Variants in TENM2 observed in about 807,000 individuals in gnomAD.
TENM2 encodes the protein teneurin transmembrane protein 2.
Under a neutral mutation model 245.2 loss-of-function variants are expected in TENM2, and 52 were observed. The ratio of observed to expected loss-of-function variants is 0.21; its 90% CI spans 0.17 to 0.27. TENM2 has a LOEUF of 0.27. Ranked by LOEUF, TENM2 falls within the 10% of genes least tolerant of loss-of-function variation. The probability of loss-of-function intolerance (pLI) is 1.00; values close to 1 mark genes in which losing one functional copy is unlikely to be tolerated. For missense variants in TENM2, 3,046 were observed against 3,666.8 expected (o/e 0.83, Z 4.37); for synonymous variants, 1,363 against 1,438.9 (o/e 0.95, Z 1.19).
At chr5:167,267,706 G>A in the TENM2 span, among the ~76,000 whole-genome samples, 1 of 152,144 alleles carries the variant, frequency 6.6e-6, no homozygotes, top group Non-Finnish European at 1.5e-5. Flanking sequence ...TTATGTTTCT[G>A]GTGAATGGCA....
At chr5:167,193,002 A>G in the TENM2 span, among the ~76,000 whole-genome samples, 1 of 152,084 alleles carries the variant, frequency 6.6e-6, no homozygotes, top group East Asian at 1.9e-4. Context: ...TTTAGTATGA[A>G]TAATGAAAAA....
At chr5:167,640,882 T>TGG (rs553375416) in intron 2 of TENM2, among the ~76,000 whole-genome samples, 1 of 67,506 alleles carries the variant, frequency 1.5e-5, no homozygotes, top group African/African-American at 9.6e-5. Context: ...TATATATATA[T>TGG]ATATATATAT....
chr5:168,206,467 G>A (rs1327218889), intron 19 of TENM2, among the ~76,000 whole-genome samples: 1 of 152,224 alleles, frequency 6.6e-6, no homozygotes, highest in Non-Finnish European at 1.5e-5. Context: ...GGGGAAGTCA[G>A]TGCAGTTCAA....
At chr5:167,708,577 A>G (rs1364344151) in intron 2 of TENM2, among the ~76,000 whole-genome samples, 1 of 152,132 alleles carries the variant, frequency 6.6e-6, no homozygotes, top group Non-Finnish European at 1.5e-5. Context: ...TCCCAGTTCT[A>G]TTTCTCCATT....
At chr5:167,715,498 T>G (rs917208604) in intron 2 of TENM2, among the ~76,000 whole-genome samples, 3 of 152,196 alleles carry the variant, frequency 2.0e-5, no homozygotes, top group Non-Finnish European at 4.4e-5. Context: ...AATATCATTT[T>G]CAATTGTTTT....
At chr5:168,065,925 C>T (rs1180356662) in intron 7 of TENM2, among the ~76,000 whole-genome samples, 3 of 151,384 alleles carry the variant, frequency 2.0e-5, no homozygotes, top group Admixed American at 6.6e-5. Flanking sequence ...CCCTCCCCGA[C>T]TCCCACCCTG....
the TENM2 span, among the ~76,000 whole-genome samples, chr5:167,239,220 T>C: frequency 1.3e-5 from 2 of 152,226 alleles, no homozygotes; most frequent in Non-Finnish European, 2.9e-5. Flanking sequence ...ACACTTTTCA[T>C]TTAGTTCCTA....
intron 25 of TENM2, among the ~76,000 whole-genome samples, chr5:168,229,374 T>C (rs1030207251): frequency 2.0e-5 from 3 of 152,146 alleles, no homozygotes; most frequent in African/African-American, 7.2e-5. Context: ...GTCACTTATC[T>C]GTCACCAAGA....
chr5:167,635,633 CTTTTTTTTTTTTTTT>C (rs76155764), intron 2 of TENM2, among the ~76,000 whole-genome samples: 2 of 74,962 alleles, frequency 2.7e-5, no homozygotes, highest in African/African-American at 5.9e-5. Context: ...TCAGTACAGT[CTTTTTTTTTTTTTTT>C]TTTTTTTTTT....
intron 1 of TENM2, among the ~76,000 whole-genome samples, chr5:167,323,821 A>G (rs939656037): frequency 1.3e-5 from 2 of 152,238 alleles, no homozygotes; most frequent in Non-Finnish European, 2.9e-5. Flanking sequence ...AATGTGGTTC[A>G]GGAAATGCAA....
intron 1 of TENM2, among the ~76,000 whole-genome samples, chr5:167,303,997 G>A (rs1755514115): frequency 6.6e-6 from 1 of 152,140 alleles, no homozygotes. Context: ...GTTCTGTAAT[G>A]GTCACTTGTG....
At chr5:167,582,616 C>G (rs1223865932) in intron 2 of TENM2, among the ~76,000 whole-genome samples, 5 of 152,106 alleles carry the variant, frequency 3.3e-5, no homozygotes, top group Admixed American at 1.3e-4. Flanking sequence ...ATTCTTGTTC[C>G]TGAAATGAAT....
chr5:167,498,372 T>C lies in TENM2; in HGVS notation c.502+122899T>C, dbSNP rs184987869. On this transcript the variant is annotated intron_variant, in intron 2 of 28. Transcript: ENST00000518659. ...TGAATTCTTACGTCAATGATCATGC[T>C]TCCTTCTTGCCCTGTGCCTACTATG... Among the ~76,000 whole-genome samples the C allele has an allele frequency of 3.3e-5, 5 of 152,266 alleles. No homozygotes were observed. The East Asian group carries it at 9.7e-4, about 29-fold the overall frequency.
chr5:167,667,417 C>T (rs1755646822), intron 2 of TENM2, among the ~76,000 whole-genome samples: 1 of 152,142 alleles, frequency 6.6e-6, no homozygotes, highest in Non-Finnish European at 1.5e-5. Flanking sequence ...TAAAATTATT[C>T]TAAGAATCAC....
chr5:167,353,510 T>G (rs1202718844), intron 1 of TENM2, among the ~76,000 whole-genome samples: 105 of 120,166 alleles, frequency 8.7e-4, no homozygotes, highest in African/African-American at 3.0e-3. Flanking sequence ...GTTTTTTTTT[T>G]TTTTTTTTTT....
chr5:167,398,377 C>CTTTCTTT lies in TENM2; in HGVS notation c.502+22904_502+22905insTTTCTTT, dbSNP rs1762177935. 5.8e-5 allele frequency among the ~76,000 whole-genome samples: 8 copies of CTTTCTTT among 137,080 alleles called. No homozygotes were observed. In the East Asian group the frequency reaches 1.5e-3, roughly 25 times the overall value. The allele number at this position is 137,080 out of a possible 152,430, so 89.9% of individuals were successfully genotyped here. On this transcript the variant is annotated intron_variant, in intron 2 of 28. Coordinates refer to ENST00000518659, the Ensembl canonical transcript of TENM2. ...TCTTTCTTTCTTTCCTTTCTTTCTT[C>CTTTCTTT]CTTTCTTTCTTTCTTTCTTTCTTTC...
the TENM2 span, among the ~76,000 whole-genome samples, chr5:167,161,328 T>C: frequency 6.6e-6 from 1 of 152,170 alleles, no homozygotes. Flanking sequence ...CCCTAGGAAG[T>C]GGGGAAATAG....
At chr5:167,563,043 C>G (rs1259284192) in intron 2 of TENM2, among the ~76,000 whole-genome samples, 1 of 151,986 alleles carries the variant, frequency 6.6e-6, no homozygotes, top group Non-Finnish European at 1.5e-5. Flanking sequence ...CAGTGTGTCA[C>G]ATCCCTGGGC....
At chr5:167,498,293 T>C (rs1176257143) in intron 2 of TENM2, among the ~76,000 whole-genome samples, 3 of 152,180 alleles carry the variant, frequency 2.0e-5, no homozygotes, top group Admixed American at 2.0e-4. Context: ...TTCCTTTCTC[T>C]GCTCTCCAGA....
Sources: gnomAD v4.1 joint callset for allele counts (sites outside exome capture counted in the v4.1 genomes callset) on GRCh38, gnomAD v4.1.1 for gene constraint, MANE v1.5 for transcripts, NCBI Gene and HGNC (gene_info 2026-07-23, HGNC 2026-07-21) for gene names.